PDE1C: variants seen among roughly 807,000 people sequenced by gnomAD.
PDE1C encodes dual specificity calcium/calmodulin-dependent 3',5'-cyclic nucleotide phosphodiesterase 1C.
In PDE1C, 62 loss-of-function variants were observed where a neutral mutation model predicts 93.1. That is an observed-to-expected ratio of 0.67 (90% CI 0.54 to 0.82). The LOEUF (loss-of-function observed/expected upper bound fraction) is 0.82, where lower values mean the gene tolerates loss of function less well. PDE1C is among the 40% of genes least tolerant of loss of function. The pLI is 0.00. For missense variants in PDE1C, 742 were observed against 884.6 expected (o/e 0.84, Z 2.04); for synonymous variants, 325 against 310.1 (o/e 1.05, Z -0.50).
At chr7:32,141,587 T>C (rs74770036) in intron 3 of PDE1C, among the ~76,000 whole-genome samples, 30,547 of 152,110 alleles carry the variant, frequency 0.2, 3,519 homozygotes, top group South Asian at 0.26. Flanking sequence ...GAGATGATAT[T>C]TGACCAGTAT....
At chr7:31,652,369 G>A in the PDE1C span, 1 of 1,264,710 alleles carries the variant, frequency 7.9e-7, no homozygotes, top group South Asian at 1.6e-5. Context: ...GCCAATATAA[G>A]CTAAGTCACT....
At chr7:31,652,992 C>G in the PDE1C span, 4 of 1,434,316 alleles carry the variant, frequency 2.8e-6, no homozygotes, top group South Asian at 4.5e-5. Context: ...TTAGAATACT[C>G]TAATACTCAT....
chr7:32,276,626 C>T (rs1490864415), intron 1 of PDE1C, among the ~76,000 whole-genome samples: 1 of 152,114 alleles, frequency 6.6e-6, no homozygotes, highest in Non-Finnish European at 1.5e-5. Flanking sequence ...CCAACCCTGG[C>T]TCGCCACTTG....
intron 2 of PDE1C, among the ~76,000 whole-genome samples, chr7:32,201,927 G>A (rs570041946): frequency 2.0e-5 from 3 of 152,306 alleles, no homozygotes; most frequent in Admixed American, 1.3e-4. Context: ...GAGCTTCGTA[G>A]CACATCTGAG....
intron 2 of PDE1C, among the ~76,000 whole-genome samples, chr7:32,030,961 C>T (rs1346264575): frequency 6.6e-6 from 1 of 152,002 alleles, no homozygotes; most frequent in East Asian, 1.9e-4. Context: ...CCCATAGAGC[C>T]TTTGATCTAT....
At chr7:31,856,173 A>G (rs1275346688) in intron 7 of PDE1C, among the ~76,000 whole-genome samples, 1 of 152,230 alleles carries the variant, frequency 6.6e-6, no homozygotes, top group Admixed American at 6.5e-5. Context: ...ACAATTTATA[A>G]CACTGAAATG....
rs186321270 is a variant in PDE1C at position 31,876,735 on chromosome 7, G to A, written c.492+1235C>T. Among the ~76,000 whole-genome samples, 4 of 152,258 alleles carry A rather than the reference G, an allele frequency of 2.6e-5. No individual in the cohort carries two copies. The East Asian group carries it at 7.7e-4, about 29-fold the overall frequency. ...CACTGTACATTACACTGAAGTATTG[G>A]GCATCAGATTAGGGGTTAAAGAGGA... On this transcript the variant is annotated intron_variant, in intron 5 of 17. Coordinates refer to ENST00000396191, the MANE Select transcript of PDE1C (RefSeq NM_001191057.4).
At chr7:32,425,030 T>G (rs1785500581) in intron 1 of PDE1C, among the ~76,000 whole-genome samples, 1 of 152,090 alleles carries the variant, frequency 6.6e-6, no homozygotes, top group Admixed American at 6.6e-5. Flanking sequence ...AAAGTGATAA[T>G]AAAAGCATCC....
intron 2 of PDE1C, among the ~76,000 whole-genome samples, chr7:31,958,226 G>A (rs891590233): frequency 1.3e-5 from 2 of 152,014 alleles, no homozygotes; most frequent in African/African-American, 4.8e-5. Flanking sequence ...GTTTTCCAGG[G>A]CTCGTCAATT....
At chr7:32,215,092 C>T (rs1806331510) in intron 1 of PDE1C, among the ~76,000 whole-genome samples, 1 of 152,002 alleles carries the variant, frequency 6.6e-6, no homozygotes, top group African/African-American at 2.4e-5. Flanking sequence ...GTCCCCAACC[C>T]CTGGGCCACA....
At chr7:32,006,465 A>T (rs922872826) in intron 2 of PDE1C, among the ~76,000 whole-genome samples, 3 of 152,196 alleles carry the variant, frequency 2.0e-5, no homozygotes, top group Non-Finnish European at 4.4e-5. Flanking sequence ...TCACAGGGGA[A>T]ATAAGCCATG....
At chr7:31,760,889 C>T (rs1051851496) in intron 17 of PDE1C, among the ~76,000 whole-genome samples, 22 of 152,056 alleles carry the variant, frequency 1.4e-4, no homozygotes, top group African/African-American at 4.8e-4. Context: ...ACTATACATT[C>T]TATTTCTAAA....
At chr7:31,851,901 G>A (rs1793386886) in intron 7 of PDE1C, among the ~76,000 whole-genome samples, 1 of 152,136 alleles carries the variant, frequency 6.6e-6, no homozygotes, top group Non-Finnish European at 1.5e-5. Flanking sequence ...TTTGCTTCAT[G>A]CACATCTTTA....
intron 1 of PDE1C, among the ~76,000 whole-genome samples, chr7:32,373,371 T>C (rs1784365217): frequency 6.6e-6 from 1 of 152,160 alleles, no homozygotes; most frequent in African/African-American, 2.4e-5. Context: ...CAAAAGACAA[T>C]GTATTATTTG....
intron 2 of PDE1C, among the ~76,000 whole-genome samples, chr7:32,022,846 A>T (rs564660840): frequency 1.3e-5 from 2 of 152,162 alleles, no homozygotes; most frequent in East Asian, 3.9e-4. Flanking sequence ...CAGTGTTTGC[A>T]TGTCACTTTA....
At chr7:31,756,538 T>C (rs985654273) in intron 17 of PDE1C, among the ~76,000 whole-genome samples, 3 of 151,864 alleles carry the variant, frequency 2.0e-5, no homozygotes, top group East Asian at 1.9e-4. Context: ...GACAGAAAAA[T>C]GACACTGGGT....
chr7:32,379,613 C>A (rs996766044), intron 1 of PDE1C, among the ~76,000 whole-genome samples: 5 of 152,078 alleles, frequency 3.3e-5, no homozygotes, highest in Non-Finnish European at 7.4e-5. Flanking sequence ...TCTCTCTGGC[C>A]CCTTTTAATA....
intron 1 of PDE1C, among the ~76,000 whole-genome samples, chr7:32,309,181 A>G (rs1161956419): frequency 6.6e-6 from 1 of 152,236 alleles, no homozygotes; most frequent in Non-Finnish European, 1.5e-5. Flanking sequence ...AAATGAAGCA[A>G]GAAGGGAAGT....
At chr7:31,852,447 T>C (rs912754696) in intron 7 of PDE1C, among the ~76,000 whole-genome samples, 1 of 150,718 alleles carries the variant, frequency 6.6e-6, no homozygotes, top group African/African-American at 2.4e-5. Context: ...TAAGGAAAGA[T>C]TGCAAGAAAA....
Sources: allele counts gnomAD v4.1 joint callset (sites outside exome capture counted in the v4.1 genomes callset), GRCh38; gene constraint gnomAD v4.1.1; transcripts MANE v1.5; gene names NCBI Gene and HGNC (gene_info 2026-07-23, HGNC 2026-07-21).